The following CACNA2D2 variants were observed in gnomAD, a reference collection of about 807,000 sequenced individuals.
CACNA2D2 encodes the protein voltage-dependent calcium channel subunit alpha-2/delta-2.
In CACNA2D2, 48 loss-of-function variants were observed where a neutral mutation model predicts 166.4. The ratio of observed to expected loss-of-function variants is 0.29; its 90% CI spans 0.23 to 0.37. The LOEUF (loss-of-function observed/expected upper bound fraction) is 0.37. Ranked by LOEUF, CACNA2D2 falls within the 10% of genes least tolerant of loss-of-function variation. The pLI, the probability that CACNA2D2 is intolerant of heterozygous loss-of-function variation, is 1.00. For synonymous variants in CACNA2D2, 561 were observed against 573.7 expected (o/e 0.98, Z 0.32); for missense variants, 1,122 against 1,433.0 (o/e 0.78, Z 3.50).
chr3:50,453,014 T>TA (rs1296731968), intron 2 of CACNA2D2, among the ~76,000 whole-genome samples: 2 of 152,208 alleles, frequency 1.3e-5, no homozygotes, highest in African/African-American at 2.4e-5. Context: ...GTGCAAATCT[T>TA]AAGAGTCTCA....
chr3:50,369,771 C>A (rs185566472), intron 23 of CACNA2D2, among the ~76,000 whole-genome samples: 12 of 152,360 alleles, frequency 7.9e-5, no homozygotes, highest in Admixed American at 7.8e-4. Flanking sequence ...TTGCTCGGGG[C>A]CCCGTCTCCT....
At chr3:50,452,102 G>A (rs1709128262) in intron 2 of CACNA2D2, among the ~76,000 whole-genome samples, 1 of 152,248 alleles carries the variant, frequency 6.6e-6, no homozygotes, top group South Asian at 2.1e-4. Flanking sequence ...ACCCCGAGCA[G>A]ATGTGGCTCC....
intron 3 of CACNA2D2, among the ~76,000 whole-genome samples, chr3:50,425,538 T>C (rs868783871): frequency 5.3e-5 from 8 of 152,172 alleles, no homozygotes; most frequent in Non-Finnish European, 8.8e-5. Flanking sequence ...CTTCCTCACA[T>C]GCACCTACCC....
At position 50,378,318 on chromosome 3, in the gene CACNA2D2, A is replaced by G; in HGVS notation, c.1355T>C (p.Ile452Thr). Residue 452 changes from isoleucine (I) to threonine (T), a missense_variant, in exon 14 of 38, where the codon ATC becomes ACC. Physicochemically the swap from Ile to Thr is moderately conservative, Grantham distance 89 (BLOSUM62 -1). This residue lies in a region of CACNA2D2 where 840 missense variants were observed against 1,166.8 expected (regional missense o/e 0.72). Transcript: ENST00000424201. The part of the protein sequence containing the change: ...ACANKGYYFE[I>T]PSIGAIRINT... ...GATGCGGATGGCTCCGATGGAAGGGATCTCAAAATAGTAGCCTGTGAAGGA... is the reference window on the plus strand; with the variant it reads ...GATGCGGATGGCTCCGATGGAAGGGGTCTCAAAATAGTAGCCTGTGAAGGA... 1 of 1,551,944 alleles carries G rather than the reference A, an allele frequency of 6.4e-7. No individual in the cohort carries two copies. The highest frequency in any genetic ancestry group is 8.7e-7 in the Non-Finnish European group (1 of 1,147,314).
At chr3:50,490,336 G>A (rs1038981801) in intron 1 of CACNA2D2, among the ~76,000 whole-genome samples, 3 of 152,262 alleles carry the variant, frequency 2.0e-5, no homozygotes, top group African/African-American at 7.2e-5. Context: ...CAGAGGGTGA[G>A]GATCCTGTGT....
intron 3 of CACNA2D2, among the ~76,000 whole-genome samples, chr3:50,409,111 T>C (rs910745479): frequency 3.9e-5 from 6 of 152,162 alleles, no homozygotes; most frequent in African/African-American, 1.4e-4. Flanking sequence ...CTGAGTGATT[T>C]TGGTTTTCCT....
In CACNA2D2 at chr3:50,378,114, G is replaced by A. The variant is rs771142449; in HGVS notation, c.1390-17C>T. 1.9e-6 allele frequency: 3 copies of A among 1,611,070 alleles called. No homozygotes were observed. The highest frequency in any genetic ancestry group is 2.5e-6 in the Non-Finnish European group (3 of 1,178,334). On this transcript the variant is annotated splice_polypyrimidine_tract_variant and intron_variant, in intron 14 of 37. Transcript: ENST00000424201. ...TAGATATTCCTGGGGAGGGGGCAGT[G>A]GTGGGGGTAATGAGTGCCTTTCCCA...
intron 2 of CACNA2D2, among the ~76,000 whole-genome samples, chr3:50,470,869 C>T (rs890477124): frequency 2.0e-5 from 3 of 152,116 alleles, no homozygotes; most frequent in Admixed American, 6.5e-5. Context: ...GAGCAGCGGC[C>T]TCACCACGTC....
intron 2 of CACNA2D2, among the ~76,000 whole-genome samples, chr3:50,446,045 A>G (rs1708830328): frequency 6.6e-6 from 1 of 152,266 alleles, no homozygotes; most frequent in African/African-American, 2.4e-5. Flanking sequence ...CCATGCAAAC[A>G]AACTGTGCAA....
At position 50,476,211 on chromosome 3, in the gene CACNA2D2, G is replaced by A. The variant is rs777456761; in HGVS notation, c.207-12C>T. Reference sequence around the variant, plus strand: ...CCCAGTGCTGCATCCTGTATGCAGAGAGAGGAGAGAGGTGTCAGGAGGGCC... The same window carrying A: ...CCCAGTGCTGCATCCTGTATGCAGAAAGAGGAGAGAGGTGTCAGGAGGGCC... On this transcript the variant is annotated splice_polypyrimidine_tract_variant and intron_variant, in intron 1 of 37. Transcript: ENST00000424201. 6.4e-7 allele frequency: 1 copy of A among 1,573,534 alleles called. No individual in the cohort carries two copies. Among genetic ancestry groups the A allele is most frequent in the Non-Finnish European group, 8.6e-7 (1 of 1,160,502 alleles).
intron 1 of CACNA2D2, among the ~76,000 whole-genome samples, chr3:50,492,768 T>C (rs986727694): frequency 1.3e-5 from 2 of 152,112 alleles, no homozygotes; most frequent in African/African-American, 4.8e-5. Context: ...CAGAGGGAGA[T>C]GCATGGCAGA....
chr3:50,440,968 C>T (rs1022979685), intron 2 of CACNA2D2, among the ~76,000 whole-genome samples: 2 of 151,708 alleles, frequency 1.3e-5, no homozygotes, highest in Non-Finnish European at 2.9e-5. Context: ...TGGACAGGGA[C>T]GAGGGACGCT....
intron 6 of CACNA2D2, 34 bp downstream of exon 6, chr3:50,384,162 G>C: frequency 6.2e-7 from 1 of 1,607,814 alleles, no homozygotes; most frequent in Non-Finnish European, 8.5e-7. Context: ...CACAGCAGGT[G>C]GGATGGGCTG....
intron 2 of CACNA2D2, among the ~76,000 whole-genome samples, chr3:50,454,406 C>T (rs537250693): frequency 6.6e-6 from 1 of 152,268 alleles, no homozygotes; most frequent in South Asian, 2.1e-4. Context: ...CTGGAGGGGC[C>T]CCCACAACAG....
At chr3:50,411,038 C>T (rs1297552064) in intron 3 of CACNA2D2, among the ~76,000 whole-genome samples, 2 of 152,326 alleles carry the variant, frequency 1.3e-5, no homozygotes, top group Admixed American at 1.3e-4. Context: ...TCCTGAGGCA[C>T]AGGCAGGGAA....
Position 50,420,162 on chromosome 3 carries a change from C to T in CACNA2D2, c.405+14151G>A, listed in dbSNP as rs185200164. Among the ~76,000 whole-genome samples, 64 of 152,354 alleles carry T rather than the reference C, an allele frequency of 4.2e-4. No homozygotes were observed. In the South Asian group the frequency reaches 6.6e-3, roughly 16 times the overall value. On this transcript the variant is annotated intron_variant, in intron 3 of 37. Transcript: ENST00000424201. ...TTAATTAAAAGTTAAAGAGAATTCACGTCCTGACATCCCGAGGGAGTCGCA... is the reference window on the plus strand; with the variant it reads ...TTAATTAAAAGTTAAAGAGAATTCATGTCCTGACATCCCGAGGGAGTCGCA...
intron 1 of CACNA2D2, among the ~76,000 whole-genome samples, chr3:50,500,566 G>A (rs1013711843): frequency 6.6e-6 from 1 of 152,204 alleles, no homozygotes; most frequent in Non-Finnish European, 1.5e-5. Context: ...AGCCGGCGGT[G>A]GTGGCCTGAT....
intron 2 of CACNA2D2, among the ~76,000 whole-genome samples, chr3:50,438,398 C>G (rs1212980157): frequency 1.3e-5 from 2 of 152,196 alleles, no homozygotes; most frequent in African/African-American, 4.8e-5. Flanking sequence ...CAGGGCAAGT[C>G]CGGCCAGCCC....
chr3:50,440,776 ACT>A (rs1288569221), intron 2 of CACNA2D2, among the ~76,000 whole-genome samples: 3 of 151,446 alleles, frequency 2.0e-5, no homozygotes, highest in Admixed American at 6.6e-5. Flanking sequence ...CCCTCCTGGG[ACT>A]CTCTATCCAG....
Sources: allele counts gnomAD v4.1 joint callset (sites outside exome capture counted in the v4.1 genomes callset), GRCh38; gene constraint gnomAD v4.1.1; regional missense constraint gnomAD v4.1.1; transcripts MANE v1.5; gene names NCBI Gene and HGNC (gene_info 2026-07-23, HGNC 2026-07-21).